The following SLITRK1 variants were observed in gnomAD, a reference collection of about 807,000 sequenced individuals.
SLITRK1 encodes the protein SLIT and NTRK-like protein 1.
Under a neutral mutation model 42.4 loss-of-function variants are expected in SLITRK1, and 10 were observed. That is an observed-to-expected ratio of 0.24 (90% CI 0.15 to 0.40). The LOEUF is 0.40. SLITRK1 is among the 10% of genes least tolerant of loss of function. SLITRK1 has a pLI of 1.00. For missense variants in SLITRK1, 778 were observed against 848.8 expected (o/e 0.92, Z 1.04); for synonymous variants, 389 against 365.7 (o/e 1.06, Z -0.73).
At chr13:83,881,902 C>A (rs1358744819) in intron 1 of SLITRK1, 102 bp downstream of exon 1, 2 of 195,072 alleles carry the variant, frequency 1.0e-5, no homozygotes, top group Non-Finnish European at 2.3e-5. Flanking sequence ...AGAAATGAAA[C>A]AATGCTAGTA....
rs762287256 is a variant in SLITRK1, at chr13:83,879,615, G to A, written c.1893C>T (p.Ser631=). ...VPGLLLVFVT[S]AFTVVGMLVF... Reference sequence around the variant, plus strand: ...CGAGCATGCCCACCACGGTGAAGGCGGAGGTGACAAACACCAGCAGCAGTC... The same window carrying A: ...CGAGCATGCCCACCACGGTGAAGGCAGAGGTGACAAACACCAGCAGCAGTC... The change falls in exon 2 of 2, where the codon TCC becomes TCT. Residue 631 remains serine, a synonymous_variant. Transcript: ENST00000674365. The A allele has an allele frequency of 3.5e-5, 57 of 1,613,902 alleles. No homozygotes were observed. Among genetic ancestry groups the A allele is most frequent in the Non-Finnish European group, 4.5e-5 (53 of 1,180,030 alleles).
Position 83,879,924 on chromosome 13 carries a change from T to C in SLITRK1, c.1584A>G (p.Gly528=). 1 of 1,614,098 alleles carries C rather than the reference T, an allele frequency of 6.2e-7. No homozygotes were observed. Among genetic ancestry groups the C allele is most frequent in the Middle Eastern group, 1.6e-4 (1 of 6,062 alleles). Reference sequence around the variant, plus strand: ...TTGTGCAGGAGCACTCCCAGGGGTTTCCGTGGAGGTCTATCTGGATGATGG... The same window carrying C: ...TTGTGCAGGAGCACTCCCAGGGGTTCCCGTGGAGGTCTATCTGGATGATGG... ...LTSIIQIDLH[G]NPWECSCTIV... The change falls in exon 2 of 2, where the codon GGA becomes GGG. Residue 528 remains glycine (G), a synonymous_variant. Coordinates refer to ENST00000674365, the MANE Select transcript of SLITRK1 (RefSeq NM_001281503.2).
rs968628551 is a variant in SLITRK1 at position 83,881,856 on chromosome 13, C to T, written c.-54+148G>A. The T allele has an allele frequency of 8.5e-5, 21 of 247,194 alleles. No homozygotes were observed. In the East Asian group the frequency reaches 2.2e-3, roughly 26 times the overall value. The allele number at this position is 247,194 out of a possible 1,614,324, so 15.3% of individuals were successfully genotyped here. A position where few individuals can be genotyped will look rare whatever the true frequency, so the allele number is the denominator to read the frequency against. On this transcript the variant is annotated intron_variant, in intron 1 of 1. Transcript: ENST00000674365. ...TATATACATATAAATTAAAAGTACA[C>T]CCTTACAGAATCTCATCTACTGATC... is the stretch of plus-strand genomic sequence containing the variant.
In SLITRK1 at chr13:83,881,447, C is replaced by T. The variant is rs776865009; in HGVS notation, c.61G>A (p.Gly21Arg). The T allele has an allele frequency of 9.9e-6, 16 of 1,614,018 alleles. No individual in the cohort carries two copies. Among genetic ancestry groups the T allele is most frequent in the Non-Finnish European group, 1.4e-5 (16 of 1,180,014 alleles). Reference sequence around the variant, plus strand: ...CAGATCTTCTCTTTGCAAACGTCCCCTGTAACGTTTCCAGCGGCAAAACAA... The same window carrying T: ...CAGATCTTCTCTTTGCAAACGTCCCTTGTAACGTTTCCAGCGGCAAAACAA... ...SLCFAAGNVT[G>R]DVCKEKICSC... The change falls in exon 2 of 2, where the codon GGG becomes AGG. Residue 21 changes from glycine (G) to arginine (R), a missense_variant. Gly to Arg is a moderately radical substitution (Grantham distance 125). Transcript: ENST00000674365.
rs371889710 is a variant in SLITRK1, at chr13:83,881,391, G to T, written c.117C>A (p.His39Gln). The part of the protein sequence containing the change: ...CSCNEIEGDL[H>Q]VDCEKKGFTS... ...TGAAGCCCTTTTTTTCACAGTCTAC[G>T]TGTAGGTCCCCTTCTATCTCATTGC... Residue 39 changes from histidine (H) to glutamine (Q), a missense_variant, in exon 2 of 2, where the codon CAC becomes CAA. This residue lies in a region of SLITRK1 where 204 missense variants were observed against 295.3 expected (regional missense o/e 0.69). Transcript: ENST00000674365. 2.5e-6 allele frequency: 4 copies of T among 1,613,918 alleles called. No individual in the cohort carries two copies. Among genetic ancestry groups the T allele is most frequent in the Admixed American group, 1.7e-5 (1 of 59,976 alleles).
rs746929954 is a variant in SLITRK1, at chr13:83,880,603, C to T, written c.905G>A (p.Gly302Glu). ...TNGQEDHATP[G>E]SAPNGGTKIP... ...CTTTGTACCTCCGTTTGGAGCAGAC[C>T]CTGGTGTGGCATGATCCTCTTGCCC... Residue 302 changes from glycine to glutamate, a missense_variant, in exon 2 of 2, where the codon GGG (glycine) becomes GAG (glutamate). Around this residue, in one of 4 missense-constraint regions of SLITRK1, gnomAD observed 395 missense variants for 360.4 expected, o/e 1.10. Transcript: ENST00000674365. 6 of 1,613,882 alleles carry T rather than the reference C, an allele frequency of 3.7e-6. No individual in the cohort carries two copies. The highest frequency in any genetic ancestry group is 4.2e-6 in the Non-Finnish European group (5 of 1,180,024).
In SLITRK1 at chr13:83,880,745, T is replaced by C. The variant is rs758647272; in HGVS notation, c.763A>G (p.Thr255Ala). 2 of 1,614,048 alleles carry C rather than the reference T, an allele frequency of 1.2e-6. No homozygotes were observed. The highest frequency in any genetic ancestry group is 2.2e-5 in the East Asian group (1 of 44,860). The change falls in exon 2 of 2, where the codon ACC becomes GCC. Residue 255 changes from threonine to alanine, a missense_variant. Thr to Ala is a moderately conservative substitution (Grantham distance 58, BLOSUM62 0). Transcript: ENST00000674365. Reference sequence around the variant, plus strand: ...AAAGGACACAAGTCCTGTTCGGTGGTTTCATTGAGGTCTTTACCCTGCAGT... The same window carrying C: ...AAAGGACACAAGTCCTGTTCGGTGGCTTCATTGAGGTCTTTACCCTGCAGT... ...TRLQGKDLNETTEQDLCPLKN... is the reference protein window; with the variant it reads ...TRLQGKDLNEATEQDLCPLKN...
Position 83,881,319 on chromosome 13 carries a change from T to C in SLITRK1, c.189A>G (p.Leu63=), listed in dbSNP as rs745962011. Residue 63 remains leucine, a synonymous_variant, in exon 2 of 2, where the codon TTA becomes TTG. Coordinates refer to ENST00000674365, the MANE Select transcript of SLITRK1 (RefSeq NM_001281503.2). ...GAGTGAGGGAATTGCCATGCAGAAATAAATGGTAAAACTGGGAAGTCGGGG... is the reference window on the plus strand; with the variant it reads ...GAGTGAGGGAATTGCCATGCAGAAACAAATGGTAAAACTGGGAAGTCGGGG... ...FTAPTSQFYH[L]FLHGNSLTRL... 3.7e-5 allele frequency: 59 copies of C among 1,613,882 alleles called. No individual in the cohort carries two copies. Among genetic ancestry groups the C allele is most frequent in the Non-Finnish European group, 4.8e-5 (57 of 1,180,018 alleles).
chr13:83,879,270 G>A lies in SLITRK1; in HGVS notation c.*147C>T. 1.0e-6 allele frequency: 1 copy of A among 959,068 alleles called. No individual in the cohort carries two copies. The highest frequency in any genetic ancestry group is 1.4e-5 in the South Asian group (1 of 69,088). 59.4% of individuals were successfully genotyped at this position (959,068 alleles called of 1,614,324 possible). A position where few individuals can be genotyped will look rare whatever the true frequency, so the allele number is the denominator to read the frequency against. ...AGTAAGGGGTCAGGCCCTTTCGGTTGTGCGAGCTCACAGTTATTTATCTAC... is the reference window on the plus strand; with the variant it reads ...AGTAAGGGGTCAGGCCCTTTCGGTTATGCGAGCTCACAGTTATTTATCTAC... On this transcript the variant is annotated 3_prime_UTR_variant, in exon 2 of 2. Coordinates refer to ENST00000674365, the MANE Select transcript of SLITRK1 (RefSeq NM_001281503.2).
chr13:83,880,711 C>T lies in SLITRK1; in HGVS notation c.797G>A (p.Arg266Gln), dbSNP rs778376981. 2 of 1,614,080 alleles carry T rather than the reference C, an allele frequency of 1.2e-6. No individual in the cohort carries two copies. Among genetic ancestry groups the T allele is most frequent in the South Asian group, 1.1e-5 (1 of 91,072 alleles). The change falls in exon 2 of 2, where the codon CGA becomes CAA. Residue 266 changes from arginine (R) to glutamine (Q), a missense_variant. By Grantham distance (43) the Arg-to-Gln change is conservative (BLOSUM62 1). Transcript: ENST00000674365. ...TEQDLCPLKN[R>Q]VDSSLPAPPA... ...GGGCGCCGGGAGACTAGAATCCACTCGGTTTTTCAAAGGACACAAGTCCTG... is the reference window on the plus strand; with the variant it reads ...GGGCGCCGGGAGACTAGAATCCACTTGGTTTTTCAAAGGACACAAGTCCTG...
rs1033878434 is a variant in SLITRK1 at position 83,882,243 on chromosome 13, C to G, written c.-293G>C. On this transcript the variant is annotated 5_prime_UTR_variant, in exon 1 of 2. Transcript: ENST00000674365. Reference sequence around the variant, plus strand: ...TTTTCCTTTCCTCCCCTTCGGTCCTCTTAAGGCTTTTTTTTTTCTTTTCTG... The same window carrying G: ...TTTTCCTTTCCTCCCCTTCGGTCCTGTTAAGGCTTTTTTTTTTCTTTTCTG... 3.0e-5 allele frequency: 5 copies of G among 166,444 alleles called. No homozygotes were observed. The highest frequency in any genetic ancestry group is 1.2e-4 in the African/African-American group (5 of 41,250). 10.3% of individuals were successfully genotyped at this position (166,444 alleles called of 1,614,324 possible). A position where few individuals can be genotyped will look rare whatever the true frequency, so the allele number is the denominator to read the frequency against.
Position 83,880,470 on chromosome 13 carries a change from G to A in SLITRK1, c.1038C>T (p.Ser346=). The A allele has an allele frequency of 6.2e-7, 1 of 1,614,068 alleles. No homozygotes were observed. Among genetic ancestry groups the A allele is most frequent in the Non-Finnish European group, 8.5e-7 (1 of 1,180,022 alleles). The part of the protein sequence containing the change: ...ANSLPCPGGC[S]CDHIPGSGLK... ...AACCCGACCCTGGGATGTGGTCGCA[G>A]CTGCAGCCCCCAGGGCAGGGTAAAC... Residue 346 remains serine, a synonymous_variant, in exon 2 of 2, where the codon AGC becomes AGT. Transcript: ENST00000674365.
In SLITRK1 at chr13:83,877,653, G is replaced by A. The variant is rs1395373538; in HGVS notation, c.*1764C>T. On this transcript the variant is annotated 3_prime_UTR_variant, in exon 2 of 2. Transcript: ENST00000674365. ...ATGATTAATTTCCATAAAGATGAGT[G>A]CTTTAACAAATTTCAATATGCAGTT... 9.0e-6 allele frequency: 1 copy of A among 111,578 alleles called. No homozygotes were observed. The highest frequency in any genetic ancestry group is 1.5e-4 in the Admixed American group (1 of 6,836). The allele number at this position is 111,578 out of a possible 1,614,324, so 6.9% of individuals were successfully genotyped here.
chr13:83,881,746 G>T, intron 1 of SLITRK1, 186 bp from the exon 2 acceptor site: 2 of 95,236 alleles, frequency 2.1e-5, no homozygotes, highest in Non-Finnish European at 4.0e-5. Flanking sequence ...TGCAAGGCAA[G>T]CAAAGAAAAA....
rs753201116 is a variant in SLITRK1 at position 83,879,714 on chromosome 13, C to A, written c.1794G>T (p.Gly598=). The change falls in exon 2 of 2, where the codon GGG becomes GGT. Residue 598 remains glycine, a synonymous_variant. Coordinates refer to ENST00000674365, the MANE Select transcript of SLITRK1 (RefSeq NM_001281503.2). ...TGGAGTGCGTCCCGGTCTCCGCCAA[C>A]CCAGTGCTGTTTTTACTGTGCGAAG... The part of the protein sequence containing the change: ...TLTSHSKNST[G]LAETGTHSNS... 8.1e-6 allele frequency: 13 copies of A among 1,613,822 alleles called. No homozygotes were observed. The highest frequency in any genetic ancestry group is 1.1e-5 in the Non-Finnish European group (13 of 1,180,010).
intron 1 of SLITRK1, 76 bp from the exon 2 acceptor site, chr13:83,881,636 T>TG (rs1192506158): frequency 2.3e-4 from 84 of 359,976 alleles, no homozygotes; most frequent in South Asian, 2.1e-4. Flanking sequence ...GAAAAGGGTT[T>TG]GGGGGGGTGG....
At chr13:83,881,753 A>T in intron 1 of SLITRK1, 193 bp from the exon 2 acceptor site, 7 of 317,102 alleles carry the variant, frequency 2.2e-5, no homozygotes, top group East Asian at 1.1e-4. Flanking sequence ...CAAGCAAAGA[A>T]AAAAAAAAAA....
Position 83,879,002 on chromosome 13 carries a change from A to G in SLITRK1, c.*415T>C, listed in dbSNP as rs1030367660. On this transcript the variant is annotated 3_prime_UTR_variant, in exon 2 of 2. Transcript: ENST00000674365. ...CCTGCGTAGCCAACAGGGAGCCATC[A>G]CGGGGCTAATCCACAGGGGAAAAAT... 11 of 184,924 alleles carry G rather than the reference A, an allele frequency of 5.9e-5. No individual in the cohort carries two copies. Among genetic ancestry groups the G allele is most frequent in the Admixed American group, 2.7e-4 (5 of 18,304 alleles). The allele number at this position is 184,924 out of a possible 1,614,324, so 11.5% of individuals were successfully genotyped here.
At position 83,879,283 on chromosome 13, in the gene SLITRK1, G is replaced by C; in HGVS notation, c.*134C>G. ...GCCCTTTCGGTTGTGCGAGCTCACA[G>C]TTATTTATCTACTTATGCCCATCCA... On this transcript the variant is annotated 3_prime_UTR_variant, in exon 2 of 2. Coordinates refer to ENST00000674365, the MANE Select transcript of SLITRK1 (RefSeq NM_001281503.2). 1.8e-6 allele frequency: 2 copies of C among 1,102,498 alleles called. No homozygotes were observed. The highest frequency in any genetic ancestry group is 2.7e-6 in the Non-Finnish European group (2 of 754,440). 68.3% of individuals were successfully genotyped at this position (1,102,498 alleles called of 1,614,324 possible).
Sources: allele counts gnomAD v4.1 joint callset, GRCh38; gene constraint gnomAD v4.1.1; regional missense constraint gnomAD v4.1.1; transcripts MANE v1.5; gene names NCBI Gene and HGNC (gene_info 2026-07-23, HGNC 2026-07-21).